Variants in DIO2 observed in about 807,000 individuals in gnomAD.
DIO2 encodes iodothyronine deiodinase 2, also known as type II iodothyronine deiodinase.
A neutral mutation model predicts 21.4 loss-of-function variants in DIO2; 19 were observed. The ratio of observed to expected loss-of-function variants is 0.89; its 90% CI spans 0.62 to 1.30. The LOEUF (loss-of-function observed/expected upper bound fraction) is 1.30. Among genes scored for constraint, DIO2 ranks in the 50% most tolerant of loss-of-function variants. The pLI is 0.00. For missense variants in DIO2, 302 were observed against 338.1 expected (o/e 0.89, Z 0.84); for synonymous variants, 122 against 132.9 (o/e 0.92, Z 0.57).
intron 2 of DIO2, among the ~76,000 whole-genome samples, chr14:80,224,908 C>T (rs190645446): frequency 6.6e-6 from 1 of 152,092 alleles, no homozygotes; most frequent in East Asian, 1.9e-4. Flanking sequence ...CAAGGTCCCA[C>T]AATAGGCTGT....
chr14:80,229,908 G>A (rs767615400), intron 2 of DIO2, among the ~76,000 whole-genome samples: 30 of 152,116 alleles, frequency 2.0e-4, no homozygotes, highest in Admixed American at 4.6e-4. Flanking sequence ...TGAATGTAGC[G>A]CACCTCCTCA....
chr14:80,214,301 CACTT>C (rs1888298544), upstream of DIO2, among the ~76,000 whole-genome samples: 6 of 152,188 alleles, frequency 3.9e-5, no homozygotes, highest in Admixed American at 3.9e-4. Flanking sequence ...AATTCTCTCT[CACTT>C]GCTTTTGCTC....
chr14:80,214,693 T>C (rs1168024797), upstream of DIO2, among the ~76,000 whole-genome samples: 2 of 152,122 alleles, frequency 1.3e-5, no homozygotes, highest in Non-Finnish European at 2.9e-5. Flanking sequence ...TATTTCTTTT[T>C]TTATGCATGG....
At position 80,200,053 on chromosome 14, in the gene DIO2, A is replaced by G. The variant is rs1181563981; in HGVS notation, c.*2636T>C. 4 of 152,640 alleles carry G rather than the reference A, an allele frequency of 2.6e-5. No individual in the cohort carries two copies. Among genetic ancestry groups the G allele is most frequent in the Non-Finnish European group, 4.4e-5 (3 of 68,040 alleles). 9.5% of individuals were successfully genotyped at this position (152,640 alleles called of 1,614,324 possible). Reference sequence around the variant, plus strand: ...AATGAGTTCTTGTTAATTTCATAAAAGAATACATCACAAGAAATCATAAAA... The same window carrying G: ...AATGAGTTCTTGTTAATTTCATAAAGGAATACATCACAAGAAATCATAAAA... On this transcript the variant is annotated 3_prime_UTR_variant, in exon 2 of 2. Coordinates refer to ENST00000438257, the MANE Select transcript of DIO2 (RefSeq NM_013989.5).
Position 80,202,301 on chromosome 14 carries a change from C to T in DIO2, c.*388G>A, listed in dbSNP as rs1159419385. On this transcript the variant is annotated 3_prime_UTR_variant, in exon 2 of 2. Coordinates refer to ENST00000438257, the MANE Select transcript of DIO2 (RefSeq NM_013989.5). Reference sequence around the variant, plus strand: ...TGCCAAATAGAGCCAAGGCAATACCCTTTATCTTAACGTAGACAGTAGCTT... The same window carrying T: ...TGCCAAATAGAGCCAAGGCAATACCTTTTATCTTAACGTAGACAGTAGCTT... 7.6e-6 allele frequency: 4 copies of T among 525,548 alleles called. No homozygotes were observed. The highest frequency in any genetic ancestry group is 5.4e-5 in the East Asian group (1 of 18,636). The allele number at this position is 525,548 out of a possible 1,614,324, so 32.6% of individuals were successfully genotyped here. A position where few individuals can be genotyped will look rare whatever the true frequency, so the allele number is the denominator to read the frequency against.
chr14:80,226,841 A>C (rs1354149417), intron 2 of DIO2, among the ~76,000 whole-genome samples: 1 of 152,192 alleles, frequency 6.6e-6, no homozygotes, highest in African/African-American at 2.4e-5. Context: ...GAGGTCACCC[A>C]TTGGTCAGCA....
At chr14:80,225,563 G>A (rs554371799) in intron 2 of DIO2, among the ~76,000 whole-genome samples, 7 of 152,270 alleles carry the variant, frequency 4.6e-5, no homozygotes, top group South Asian at 2.1e-4. Flanking sequence ...TACAATCCTC[G>A]TTTCTGCAGC....
chr14:80,210,357 A>G (rs768619145), intron 1 of DIO2, among the ~76,000 whole-genome samples: 1 of 152,172 alleles, frequency 6.6e-6, no homozygotes, highest in Non-Finnish European at 1.5e-5. Context: ...CCTGGAACAC[A>G]GTATTTTTCA....
intron 2 of DIO2, among the ~76,000 whole-genome samples, chr14:80,224,544 AT>A (rs1888532868): frequency 8.3e-6 from 1 of 120,090 alleles, no homozygotes; most frequent in Non-Finnish European, 2.0e-5. Context: ...CAAGACAACA[AT>A]GAGAAGATGG....
intron 2 of DIO2, among the ~76,000 whole-genome samples, chr14:80,226,694 A>G (rs781153125): frequency 1.3e-5 from 2 of 152,174 alleles, no homozygotes; most frequent in Non-Finnish European, 2.9e-5. Flanking sequence ...GTTTATGCAT[A>G]ACCTCCAACC....
chr14:80,206,146 A>C, intron 1 of DIO2: 8 of 845,134 alleles, frequency 9.5e-6, no homozygotes, highest in African/African-American at 1.8e-5. Flanking sequence ...GGATATGCTT[A>C]TTCATGAAGG....
At chr14:80,206,016 C>G (rs939962657) in intron 1 of DIO2, among the ~76,000 whole-genome samples, 1 of 152,082 alleles carries the variant, frequency 6.6e-6, no homozygotes, top group African/African-American at 2.4e-5. Context: ...AATCAGCACT[C>G]AATGTTATTG....
intron 2 of DIO2, among the ~76,000 whole-genome samples, chr14:80,218,919 A>G (rs1888408663): frequency 6.6e-6 from 1 of 152,180 alleles, no homozygotes; most frequent in Non-Finnish European, 1.5e-5. Context: ...CAGAGGTTGC[A>G]GTGAGCCGAG....
intron 1 of DIO2, among the ~76,000 whole-genome samples, chr14:80,204,422 C>G (rs893033246): frequency 1.3e-5 from 2 of 152,068 alleles, no homozygotes; most frequent in African/African-American, 4.8e-5. Flanking sequence ...CATGTGCTCC[C>G]TTTGCACATG....
At chr14:80,206,480 C>T (rs919846466) in intron 1 of DIO2, 4 of 538,818 alleles carry the variant, frequency 7.4e-6, no homozygotes, top group Admixed American at 7.5e-5. Flanking sequence ...ACCAGAGTTT[C>T]AAATGGAGAA....
chr14:80,205,570 G>C (rs757419780), intron 1 of DIO2: 85 of 1,278,956 alleles, frequency 6.6e-5, no homozygotes, highest in Non-Finnish European at 8.5e-5. Flanking sequence ...AATCTAATCT[G>C]TTGCTTTAGT....
At chr14:80,208,735 G>T (rs1888050657) in intron 1 of DIO2, among the ~76,000 whole-genome samples, 1 of 152,178 alleles carries the variant, frequency 6.6e-6, no homozygotes, top group Admixed American at 6.5e-5. Context: ...TCAGAGAAGT[G>T]ATTCAACCTG....
At chr14:80,220,896 G>A (rs1007261583) in intron 2 of DIO2, among the ~76,000 whole-genome samples, 5 of 152,108 alleles carry the variant, frequency 3.3e-5, no homozygotes, top group Admixed American at 2.0e-4. Flanking sequence ...AAGATTTCAC[G>A]AATATAGGAA....
intron 2 of DIO2, among the ~76,000 whole-genome samples, chr14:80,228,569 T>C (rs1410884703): frequency 2.6e-5 from 4 of 152,146 alleles, no homozygotes. Flanking sequence ...TGTGATATTG[T>C]CTTGATTTAC....
Sources: allele counts gnomAD v4.1 joint callset (sites outside exome capture counted in the v4.1 genomes callset), GRCh38; gene constraint gnomAD v4.1.1; transcripts MANE v1.5; gene names NCBI Gene and HGNC (gene_info 2026-07-23, HGNC 2026-07-21).